GRIK4: variants seen among roughly 807,000 people sequenced by gnomAD.
GRIK4 encodes glutamate receptor ionotropic, kainate 4.
GRIK4 carries 40 observed loss-of-function variants against 104.9 expected under a neutral mutation model. The ratio of observed to expected loss-of-function variants is 0.38; its 90% CI spans 0.30 to 0.50. The LOEUF is 0.50. Among genes scored for constraint, GRIK4 ranks in the 20% least tolerant of loss-of-function variants. GRIK4 has a pLI of 0.93. For synonymous variants in GRIK4, 485 were observed against 524.9 expected (o/e 0.92, Z 1.04); for missense variants, 1,047 against 1,308.1 (o/e 0.80, Z 3.08).
Position 120,660,256 on chromosome 11 carries a change from C to T in GRIK4, c.-50-13C>T. ...GCCTGGGACTCACGTGCCCCCAACC[C>T]CCTCTCTCGCAGAGTTATGTCATGC... On this transcript the variant is annotated splice_polypyrimidine_tract_variant and intron_variant, in intron 2 of 20. Coordinates refer to ENST00000527524, the MANE Select transcript of GRIK4 (RefSeq NM_014619.5). The T allele has an allele frequency of 8.2e-7, 1 of 1,213,308 alleles. No individual in the cohort carries two copies. Among genetic ancestry groups the T allele is most frequent in the Non-Finnish European group, 1.2e-6 (1 of 822,506 alleles). The allele number at this position is 1,213,308 out of a possible 1,614,324, so 75.2% of individuals were successfully genotyped here.
At chr11:120,763,781 T>C (rs568214526) in intron 3 of GRIK4, among the ~76,000 whole-genome samples, 1 of 152,362 alleles carries the variant, frequency 6.6e-6, no homozygotes, top group South Asian at 2.1e-4. Context: ...TTCTGAGTTC[T>C]AATTTGATTG....
intron 1 of GRIK4, among the ~76,000 whole-genome samples, chr11:120,612,800 C>T (rs1179581980): frequency 2.0e-5 from 3 of 152,198 alleles, no homozygotes; most frequent in East Asian, 1.9e-4. Context: ...CAGGAGAGTG[C>T]TCCCTGCTGA....
intron 3 of GRIK4, among the ~76,000 whole-genome samples, chr11:120,661,285 C>T (rs1330801575): frequency 1.3e-5 from 2 of 152,176 alleles, no homozygotes; most frequent in South Asian, 4.1e-4. Context: ...TGGGGCACAG[C>T]AGTGACAAAC....
At chr11:120,840,654 G>A (rs1030615072) in intron 8 of GRIK4, among the ~76,000 whole-genome samples, 2 of 152,172 alleles carry the variant, frequency 1.3e-5, no homozygotes, top group African/African-American at 2.4e-5. Context: ...GAAGTGGACC[G>A]ATTAAGGAAC....
intron 1 of GRIK4, among the ~76,000 whole-genome samples, chr11:120,547,382 G>A (rs1451938690): frequency 6.6e-6 from 1 of 152,208 alleles, no homozygotes; most frequent in East Asian, 1.9e-4. Context: ...GTGTCTGCAC[G>A]AGCGGAGTAC....
intron 19 of GRIK4, among the ~76,000 whole-genome samples, chr11:120,977,051 A>G (rs536718488): frequency 3.3e-5 from 5 of 152,312 alleles, no homozygotes; most frequent in African/African-American, 1.2e-4. Flanking sequence ...AGTTCAAGAG[A>G]CAAAGAACAT....
chr11:120,784,398 A>T (rs1952222855), intron 3 of GRIK4, among the ~76,000 whole-genome samples: 2 of 152,116 alleles, frequency 1.3e-5, no homozygotes, highest in African/African-American at 4.8e-5. Flanking sequence ...TTCTACCCAT[A>T]TTCTTGCAAA....
At chr11:120,797,697 CG>C (rs1952546476) in intron 3 of GRIK4, among the ~76,000 whole-genome samples, 1 of 152,080 alleles carries the variant, frequency 6.6e-6, no homozygotes, top group African/African-American at 2.4e-5. Context: ...CTGAATCGCA[CG>C]GGGGTTGGGA....
intron 3 of GRIK4, among the ~76,000 whole-genome samples, chr11:120,692,317 C>T (rs774175535): frequency 1.1e-4 from 17 of 152,198 alleles, no homozygotes; most frequent in Admixed American, 6.5e-5. Context: ...TTAGCCCCAC[C>T]GGGGCACAGT....
chr11:120,836,843 T>C lies in GRIK4; in HGVS notation c.743T>C (p.Leu248Pro). 1 of 1,566,732 alleles carries C rather than the reference T, an allele frequency of 6.4e-7. No individual in the cohort carries two copies. Among genetic ancestry groups the C allele is most frequent in the Non-Finnish European group, 8.8e-7 (1 of 1,136,632 alleles). Residue 248 changes from leucine to proline, a missense_variant and splice_region_variant, in exon 8 of 21, where the codon CTG becomes CCG. Physicochemically the swap from Leu to Pro is moderately conservative, Grantham distance 98 (BLOSUM62 -3). Around this residue, in one of 3 missense-constraint regions of GRIK4, gnomAD observed 447 missense variants for 514.9 expected, o/e 0.87. Coordinates refer to ENST00000527524, the MANE Select transcript of GRIK4 (RefSeq NM_014619.5). The part of the protein sequence containing the change: ...SAYYTYIFTN[L>P]EFSLQRMDSL... ...TATTACACATACATCTTCACTAATC[T>C]GGTAAGATGTTCTCACAGCTCACCT...
rs1427958232 is a variant in GRIK4, at chr11:120,513,910, G to A, written c.-159+2023G>A. Among the ~76,000 whole-genome samples, 4 of 152,210 alleles carry A rather than the reference G, an allele frequency of 2.6e-5. No homozygotes were observed. The highest frequency in any genetic ancestry group is 2.0e-4 in the Admixed American group (3 of 15,288). On this transcript the variant is annotated intron_variant, in intron 1 of 20. Transcript: ENST00000527524. This position sits in a 1 kb window ranked among gnomAD's most constrained non-coding sequence, Gnocchi z 4.5. ...GAAAATTCTTCCGAGAGCCTGGGTCGGCTTCGTGGTCTGATTTCCACTTTG... is the reference window on the plus strand; with the variant it reads ...GAAAATTCTTCCGAGAGCCTGGGTCAGCTTCGTGGTCTGATTTCCACTTTG...
intron 7 of GRIK4, 45 bp from the exon 8 acceptor site, chr11:120,836,746 T>G (rs759727375): frequency 8.1e-6 from 11 of 1,357,866 alleles, no homozygotes; most frequent in East Asian, 2.3e-5. Context: ...TTGCTTCAAG[T>G]GAGTTTTTGT....
At chr11:120,963,287 G>T (rs1944323933) in intron 18 of GRIK4, among the ~76,000 whole-genome samples, 2 of 152,202 alleles carry the variant, frequency 1.3e-5, no homozygotes, top group Non-Finnish European at 2.9e-5. Flanking sequence ...CCGTCTTGTT[G>T]TATTAATAGG....
intron 3 of GRIK4, among the ~76,000 whole-genome samples, chr11:120,728,400 GC>G: frequency 6.6e-6 from 1 of 152,204 alleles, no homozygotes; most frequent in Non-Finnish European, 1.5e-5. Context: ...GTTCCCAAGA[GC>G]CCTCCTTCGG....
intron 1 of GRIK4, among the ~76,000 whole-genome samples, chr11:120,595,927 A>C (rs1948795900): frequency 1.3e-5 from 2 of 152,196 alleles, no homozygotes; most frequent in South Asian, 4.1e-4. Flanking sequence ...GCTCACTGCA[A>C]CTTCCACCTC....
chr11:120,868,259 A>C (rs1262331242), intron 9 of GRIK4: 1 of 152,226 alleles, frequency 6.6e-6, no homozygotes, highest in Non-Finnish European at 1.5e-5. Flanking sequence ...ATTTGCAAAC[A>C]GCTCAAAAGA....
chr11:120,635,614 T>C (rs1949387992), intron 1 of GRIK4, among the ~76,000 whole-genome samples: 1 of 152,226 alleles, frequency 6.6e-6, no homozygotes, highest in Admixed American at 6.5e-5. Flanking sequence ...AATTAATTAA[T>C]CGGATGCTTT....
chr11:120,674,793 C>T (rs11217963), intron 3 of GRIK4, among the ~76,000 whole-genome samples: 23,626 of 152,192 alleles, frequency 0.16, 1,971 homozygotes, highest in South Asian at 0.23. Flanking sequence ...TGGGGGCCCC[C>T]ACAGGAATCT....
intron 6 of GRIK4, among the ~76,000 whole-genome samples, chr11:120,830,907 A>C: frequency 7.3e-6 from 1 of 137,828 alleles, no homozygotes; most frequent in Admixed American, 7.5e-5. Context: ...ATACACACAT[A>C]CCCTCTGCTG....
Sources: allele counts gnomAD v4.1 joint callset (sites outside exome capture counted in the v4.1 genomes callset), GRCh38; gene constraint gnomAD v4.1.1; regional missense constraint gnomAD v4.1.1; non-coding constraint Gnocchi (gnomAD v3.1); transcripts MANE v1.5; gene names NCBI Gene and HGNC (gene_info 2026-07-23, HGNC 2026-07-21).